Variants in CCDC146 observed in about 807,000 individuals in gnomAD.
CCDC146 encodes coiled-coil domain-containing protein 146.
CCDC146 carries 92 observed loss-of-function variants against 119.3 expected under a neutral mutation model. The ratio of observed to expected loss-of-function variants is 0.77; its 90% CI spans 0.65 to 0.92. CCDC146 has a LOEUF of 0.92. CCDC146 is among the 40% of genes least tolerant of loss of function. CCDC146 has a pLI of 0.00. For missense variants in CCDC146, 1,000 were observed against 1,103.0 expected (o/e 0.91, Z 1.32); for synonymous variants, 372 against 371.8 (o/e 1.00, Z -0.01).
chr7:77,178,920 T>A (rs551275638), intron 2 of CCDC146, among the ~76,000 whole-genome samples: 310 of 152,294 alleles, frequency 2.0e-3, no homozygotes, highest in African/African-American at 7.2e-3. Flanking sequence ...TAAAATAAAA[T>A]ACCTTTTTCA....
intron 5 of CCDC146, among the ~76,000 whole-genome samples, chr7:77,255,698 T>G (rs1793165298): frequency 6.6e-6 from 1 of 152,202 alleles, no homozygotes; most frequent in African/African-American, 2.4e-5. Flanking sequence ...CGTGTAGACC[T>G]TCTGAGTGTA....
rs774146353 is a variant in CCDC146 at position 77,237,048 on chromosome 7, T to C, written c.239+19T>C. ...TGATGAGGTATGCAATTTACCAATA[T>C]GGAGACATGATTAATCACCTTTAAA... On this transcript the variant is annotated intron_variant, in intron 3 of 18. Coordinates refer to ENST00000285871, the MANE Select transcript of CCDC146 (RefSeq NM_020879.3). 10 of 1,595,236 alleles carry C rather than the reference T, an allele frequency of 6.3e-6. No individual in the cohort carries two copies. In the African/African-American group the frequency reaches 9.4e-5, roughly 15 times the overall value.
intron 2 of CCDC146, among the ~76,000 whole-genome samples, chr7:77,235,265 G>A (rs1479221557): frequency 6.6e-6 from 1 of 152,140 alleles, no homozygotes; most frequent in East Asian, 1.9e-4. Flanking sequence ...ATTTATTCTT[G>A]CAGATTGTAA....
chr7:77,238,201 T>A (rs1792775067), intron 3 of CCDC146, among the ~76,000 whole-genome samples: 1 of 152,094 alleles, frequency 6.6e-6, no homozygotes, highest in Non-Finnish European at 1.5e-5. Flanking sequence ...CCACACCTAA[T>A]GGAGGTTCCA....
At chr7:77,290,328 T>A (rs1428450660) in intron 17 of CCDC146, among the ~76,000 whole-genome samples, 1 of 151,836 alleles carries the variant, frequency 6.6e-6, no homozygotes, top group African/African-American at 2.4e-5. Context: ...TATACATATG[T>A]AACAAATCTG....
rs1202583920 is a variant in CCDC146, at chr7:77,260,224, C to G, written c.974C>G (p.Ser325Ter). The change falls in exon 8 of 19, where the codon TCA becomes TGA. Residue 325 changes from serine (S) to a stop codon, truncating the protein, a stop_gained. Transcript: ENST00000285871. LOFTEE classifies it high-confidence loss of function. Reference protein sequence around the residue: ...LELARENEATSLTERGILDLN... With the variant: ...LELARENEAT ...TTAGCCAGAGAGAATGAAGCAACTT[C>G]ATTAACTGAAAGGTTAGTTATATTT... is the stretch of plus-strand genomic sequence containing the variant. 1.9e-6 allele frequency: 3 copies of G among 1,610,382 alleles called. No individual in the cohort carries two copies. Among genetic ancestry groups the G allele is most frequent in the Non-Finnish European group, 8.5e-7 (1 of 1,178,242 alleles).
chr7:77,294,467 T>G (rs1019567529), intron 18 of CCDC146, among the ~76,000 whole-genome samples, 196 bp from the exon 19 acceptor site: 25 of 98,356 alleles, frequency 2.5e-4, no homozygotes, highest in African/African-American at 4.2e-4. Flanking sequence ...GAGGTAGGTG[T>G]GTGTGTGTGT....
chr7:77,211,173 C>T (rs1792175255), intron 2 of CCDC146, among the ~76,000 whole-genome samples: 1 of 152,102 alleles, frequency 6.6e-6, no homozygotes, highest in Non-Finnish European at 1.5e-5. Context: ...TCCTCTTATC[C>T]CCCTTCACCC....
chr7:77,289,283 C>T (rs1159925289), intron 17 of CCDC146, among the ~76,000 whole-genome samples: 1 of 152,178 alleles, frequency 6.6e-6, no homozygotes, highest in African/African-American at 2.4e-5. Flanking sequence ...GCCTGGAAGG[C>T]AACAGTAATG....
rs770787429 is a variant in CCDC146 at position 77,274,549 on chromosome 7, A to AG, written c.1339dup (p.Glu447GlyfsTer21). The AG allele has an allele frequency of 1.7e-5, 27 of 1,612,702 alleles. No homozygotes were observed. In the East Asian group the frequency reaches 4.7e-4, roughly 28 times the overall value. On this transcript the variant is annotated frameshift_variant, in exon 11 of 19. Transcript: ENST00000285871. LOFTEE classifies it high-confidence loss of function. ...CTTGCAGAAGAAAACAAGCTTTTAA[A>AG]GGAGCAAGAAAACATGAAAGAGCTA...
intron 1 of CCDC146, among the ~76,000 whole-genome samples, chr7:77,166,035 G>T (rs1562820788): frequency 6.6e-6 from 1 of 152,128 alleles, no homozygotes; most frequent in Non-Finnish European, 1.5e-5. Context: ...GAACAAGAAA[G>T]ACCATTTTAA....
chr7:77,164,008 T>C (rs2117475716), intron 1 of CCDC146, among the ~76,000 whole-genome samples: 1 of 151,986 alleles, frequency 6.6e-6, no homozygotes, highest in African/African-American at 2.4e-5. Context: ...TACAGGCACA[T>C]GCCACCATGC....
At chr7:77,253,361 C>T (rs889559326) in intron 4 of CCDC146, among the ~76,000 whole-genome samples, 1 of 152,196 alleles carries the variant, frequency 6.6e-6, no homozygotes, top group Non-Finnish European at 1.5e-5. Context: ...TGAAACTGAG[C>T]TCTTCAAATA....
intron 9 of CCDC146, among the ~76,000 whole-genome samples, chr7:77,262,887 T>C (rs1034051085): frequency 5.9e-5 from 9 of 152,162 alleles, no homozygotes; most frequent in African/African-American, 2.2e-4. Context: ...GGCTCTCTTT[T>C]CTCTCAGAGG....
intron 1 of CCDC146, among the ~76,000 whole-genome samples, chr7:77,160,884 T>G: frequency 6.6e-6 from 1 of 152,056 alleles, no homozygotes; most frequent in Non-Finnish European, 1.5e-5. Context: ...TGCAACCTAC[T>G]CATCTGACAA....
At chr7:77,133,945 T>G (rs551280342) in intron 1 of CCDC146, among the ~76,000 whole-genome samples, 1 of 152,106 alleles carries the variant, frequency 6.6e-6, no homozygotes, top group Non-Finnish European at 1.5e-5. Context: ...ATTTTGTTAT[T>G]ATAAGGTGAA....
chr7:77,176,283 C>T (rs1791498247), intron 2 of CCDC146, among the ~76,000 whole-genome samples: 1 of 151,096 alleles, frequency 6.6e-6, no homozygotes, highest in South Asian at 2.1e-4. Context: ...TACCATCTCA[C>T]CAGTTAGAAT....
intron 2 of CCDC146, among the ~76,000 whole-genome samples, chr7:77,213,096 G>A (rs1792220586): frequency 6.6e-6 from 1 of 151,584 alleles, no homozygotes; most frequent in Non-Finnish European, 1.5e-5. Flanking sequence ...TTGTGTGGTG[G>A]TGGTGGTGGT....
intron 2 of CCDC146, among the ~76,000 whole-genome samples, chr7:77,191,046 A>T (rs970381628): frequency 3.3e-5 from 5 of 152,224 alleles, no homozygotes; most frequent in African/African-American, 1.2e-4. Context: ...AAAGTTTGCC[A>T]CTGTTACATT....
Sources: allele counts gnomAD v4.1 joint callset (sites outside exome capture counted in the v4.1 genomes callset), GRCh38; gene constraint gnomAD v4.1.1; transcripts MANE v1.5; gene names NCBI Gene and HGNC (gene_info 2026-07-23, HGNC 2026-07-21).